Variants in C16orf96 observed in about 807,000 individuals in gnomAD.
C16orf96 encodes the protein chromosome 16 open reading frame 96, also known as uncharacterized protein C16orf96.
In C16orf96, 108 loss-of-function variants were observed where a neutral mutation model predicts 103.6. That is an observed-to-expected ratio of 1.04 (90% CI 0.89 to 1.22). C16orf96 has a LOEUF of 1.22. Ranked by LOEUF, C16orf96 falls within the 50% of genes most tolerant of loss-of-function variation. The probability of loss-of-function intolerance (pLI) is 0.00; values close to 1 mark genes in which losing one functional copy is unlikely to be tolerated. For missense variants in C16orf96, 1,586 were observed against 1,464.2 expected (o/e 1.08, Z -1.36); for synonymous variants, 566 against 593.5 (o/e 0.95, Z 0.67).
intron 1 of C16orf96, 65 bp downstream of exon 1, chr16:4,556,974 T>G: frequency 7.1e-7 from 1 of 1,408,936 alleles, no homozygotes; most frequent in Non-Finnish European, 9.4e-7. Context: ...CTGGGACGTC[T>G]TTTTTTTGTT....
intron 2 of C16orf96, among the ~76,000 whole-genome samples, chr16:4,572,213 A>T (rs913986645): frequency 1.1e-4 from 16 of 152,098 alleles, no homozygotes; most frequent in South Asian, 2.1e-4. Flanking sequence ...AATCACGTTC[A>T]TCCTGGATTA....
rs766876725 is a variant in C16orf96 at position 4,575,284 on chromosome 16, C to T, written c.804C>T (p.Ser268=). 75 of 1,550,672 alleles carry T rather than the reference C, an allele frequency of 4.8e-5. No homozygotes were observed. Among genetic ancestry groups the T allele is most frequent in the South Asian group, 1.7e-4 (14 of 84,060 alleles). The change falls in exon 5 of 16, where the codon TCC becomes TCT. Residue 268 remains serine, a synonymous_variant. Coordinates refer to ENST00000444310, the MANE Select transcript of C16orf96 (RefSeq NM_001145011.2). Reference sequence around the variant, plus strand: ...AAGCTACTCGTGCCATCCAGGTCTCCGAGCCCGTCCAAAACCCCCAGCTAC... The same window carrying T: ...AAGCTACTCGTGCCATCCAGGTCTCTGAGCCCGTCCAAAACCCCCAGCTAC... The part of the protein sequence containing the change: ...YLEATRAIQV[S]EPVQNPQLLQ...
the C16orf96 span, among the ~76,000 whole-genome samples, chr16:4,550,734 A>G: frequency 1.3e-5 from 2 of 152,338 alleles, no homozygotes; most frequent in South Asian, 4.1e-4. Flanking sequence ...TTGTGGTTCT[A>G]GCCTCATGGT....
chr16:4,562,928 C>G (rs927827748), intron 1 of C16orf96: 3 of 1,401,012 alleles, frequency 2.1e-6, no homozygotes, highest in Non-Finnish European at 3.0e-6. Context: ...CAGGATCCAT[C>G]CAATATTCTC....
At chr16:4,547,187 T>G in the C16orf96 span, among the ~76,000 whole-genome samples, 1 of 152,102 alleles carries the variant, frequency 6.6e-6, no homozygotes, top group Non-Finnish European at 1.5e-5. Context: ...CAGGCTGGAG[T>G]GCAGTGGTAT....
In C16orf96 at chr16:4,594,492, C is replaced by T. The variant is rs547357701; in HGVS notation, c.3009C>T (p.His1003=). The T allele has an allele frequency of 8.4e-6, 13 of 1,551,296 alleles. No homozygotes were observed. Among genetic ancestry groups the T allele is most frequent in the Admixed American group, 5.9e-5 (3 of 50,992 alleles). The change falls in exon 13 of 16, where the codon CAC becomes CAT. Residue 1003 remains histidine, a synonymous_variant. Transcript: ENST00000444310. ...LLTLYPYGDP[H]VIDYDSAEVD... ...CGCTCTATCCCTACGGGGATCCCCA[C>T]GTGATCGACTATGACAGCGTGAGTC...
At chr16:4,550,533 A>G in the C16orf96 span, among the ~76,000 whole-genome samples, 1 of 152,168 alleles carries the variant, frequency 6.6e-6, no homozygotes, top group African/African-American at 2.4e-5. Context: ...CTCAAACAAA[A>G]TCATGTACTC....
intron 7 of C16orf96, among the ~76,000 whole-genome samples, chr16:4,585,492 AGAG>A (rs944036951): frequency 6.6e-6 from 1 of 152,116 alleles, no homozygotes; most frequent in Non-Finnish European, 1.5e-5. Context: ...ATTAAAATAA[AGAG>A]GAGGTAACAG....
rs761098994 is a variant in C16orf96 at position 4,588,234 on chromosome 16, T to C, written c.2495T>C (p.Leu832Pro). ...RVDLETVALE[L>P]NEMIQGILFK... Reference sequence around the variant, plus strand: ...GACCTGGAGACTGTGGCCTTGGAGCTGAACGAGATGATTCAGGGCATACTC... The same window carrying C: ...GACCTGGAGACTGTGGCCTTGGAGCCGAACGAGATGATTCAGGGCATACTC... The change falls in exon 9 of 16, where the codon CTG (leucine) becomes CCG (proline). Residue 832 changes from leucine (L) to proline (P), a missense_variant. Coordinates refer to ENST00000444310, the MANE Select transcript of C16orf96 (RefSeq NM_001145011.2). 6.4e-7 allele frequency: 1 copy of C among 1,551,664 alleles called. No individual in the cohort carries two copies. Among genetic ancestry groups the C allele is most frequent in the Non-Finnish European group, 8.7e-7 (1 of 1,146,974 alleles).
At chr16:4,590,775 T>C (rs1897039339) in intron 9 of C16orf96, among the ~76,000 whole-genome samples, 2 of 150,882 alleles carry the variant, frequency 1.3e-5, no homozygotes, top group Non-Finnish European at 2.9e-5. Flanking sequence ...TCCCAGCACT[T>C]TGGGAGGCTG....
chr16:4,559,129 G>A (rs1404629054), intron 1 of C16orf96, among the ~76,000 whole-genome samples: 1 of 152,040 alleles, frequency 6.6e-6, no homozygotes, highest in Non-Finnish European at 1.5e-5. Flanking sequence ...ATCCCTGGAG[G>A]CAGCATGTCC....
chr16:4,585,291 C>T (rs76571655), intron 7 of C16orf96, among the ~76,000 whole-genome samples: 3,468 of 17,134 alleles, frequency 0.2, 200 homozygotes, highest in African/African-American at 0.29. Context: ...CCTGTCTCTA[C>T]AAAAAAAAAA....
At chr16:4,556,235 A>G (rs1045071763), upstream of C16orf96, among the ~76,000 whole-genome samples, 1 of 152,158 alleles carries the variant, frequency 6.6e-6, no homozygotes, top group African/African-American at 2.4e-5. Context: ...ACTCTGGGTG[A>G]GGCTTACCAG....
intron 7 of C16orf96, among the ~76,000 whole-genome samples, chr16:4,585,312 A>AAAAAAAAAAAAAAAAAAAAAAAAG (rs60726283): frequency 9.1e-6 from 1 of 109,944 alleles, no homozygotes; most frequent in Non-Finnish European, 1.8e-5. Flanking sequence ...AAAAAAAAAA[A>AAAAAAAAAAAAAAAAAAAAAAAAG]TCCAGGTAGG....
chr16:4,586,777 T>C (rs1389304920), intron 7 of C16orf96, among the ~76,000 whole-genome samples: 1 of 152,192 alleles, frequency 6.6e-6, no homozygotes, highest in African/African-American at 2.4e-5. Context: ...CTTTCCTTCC[T>C]TGGGTCTAAC....
Position 4,575,946 on chromosome 16 carries a change from C to T in C16orf96, c.1466C>T (p.Pro489Leu). 6.4e-7 allele frequency: 1 copy of T among 1,550,574 alleles called. No individual in the cohort carries two copies. Among genetic ancestry groups the T allele is most frequent in the South Asian group, 1.2e-5 (1 of 83,980 alleles). ...PKDRTRKDGV[P>L]KDRGGKDVDP... ...GATAGAACTCGCAAGGATGGGGTCC[C>T]CAAAGATAGAGGTGGCAAGGATGTG... The change falls in exon 5 of 16, where the codon CCC becomes CTC. Residue 489 changes from proline to leucine, a missense_variant. By Grantham distance (98) the Pro-to-Leu change is moderately conservative. Transcript: ENST00000444310.
chr16:4,577,202 A>G (rs1420562289), intron 5 of C16orf96, among the ~76,000 whole-genome samples: 71 of 152,092 alleles, frequency 4.7e-4, no homozygotes, highest in Non-Finnish European at 8.8e-5. Context: ...AAAAACAACA[A>G]CAACAAAAAA....
intron 14 of C16orf96, among the ~76,000 whole-genome samples, chr16:4,598,842 G>T (rs1047869226): frequency 1.1e-4 from 16 of 152,122 alleles, no homozygotes; most frequent in African/African-American, 3.9e-4. Flanking sequence ...GGAAGGCTGG[G>T]CGTAATGGTT....
intron 1 of C16orf96, among the ~76,000 whole-genome samples, chr16:4,569,894 A>G (rs146986166): frequency 1.3e-5 from 2 of 152,080 alleles, no homozygotes; most frequent in African/African-American, 2.4e-5. Context: ...CCAGGAGGAC[A>G]TGTTGAAAGC....
Sources: gnomAD v4.1 joint callset for allele counts (sites outside exome capture counted in the v4.1 genomes callset) on GRCh38, gnomAD v4.1.1 for gene constraint, MANE v1.5 for transcripts, NCBI Gene and HGNC (gene_info 2026-07-23, HGNC 2026-07-21) for gene names.